ABCC1: variants seen among roughly 807,000 people sequenced by gnomAD.
ABCC1 encodes ATP binding cassette subfamily C member 1 (ABCC1 blood group).
A neutral mutation model predicts 172.9 loss-of-function variants in ABCC1; 83 were observed. The ratio of observed to expected loss-of-function variants is 0.48; its 90% CI spans 0.40 to 0.58. The LOEUF (loss-of-function observed/expected upper bound fraction) is 0.58, where lower values mean the gene tolerates loss of function less well. ABCC1 is among the 20% of genes least tolerant of loss of function. The pLI, the probability that ABCC1 is intolerant of heterozygous loss-of-function variation, is 0.00. For missense variants in ABCC1, 1,817 were observed against 2,002.7 expected (o/e 0.91, Z 1.77); for synonymous variants, 937 against 825.2 (o/e 1.14, Z -2.32).
chr16:16,052,660 A>G, intron 10 of ABCC1, 64 bp from the exon 11 acceptor site: 1 of 1,507,240 alleles, frequency 6.6e-7, no homozygotes, highest in Non-Finnish European at 9.2e-7. Flanking sequence ...CAACCGGGGA[A>G]GCTGTTACGG....
At chr16:16,133,472 C>T (rs548097066) in intron 27 of ABCC1, among the ~76,000 whole-genome samples, 67 of 152,152 alleles carry the variant, frequency 4.4e-4, no homozygotes, top group African/African-American at 1.6e-3. Context: ...GGTGCTATTT[C>T]GGCTCACTGC....
intron 5 of ABCC1, among the ~76,000 whole-genome samples, chr16:16,027,578 C>T (rs539725064): frequency 6.6e-6 from 1 of 152,056 alleles, no homozygotes; most frequent in Admixed American, 6.6e-5. Flanking sequence ...TTTGGGAGGC[C>T]GAGGCAGGTG....
At chr16:16,115,307 T>C (rs2044809527) in intron 23 of ABCC1, among the ~76,000 whole-genome samples, 1 of 152,192 alleles carries the variant, frequency 6.6e-6, no homozygotes, top group South Asian at 2.1e-4. Flanking sequence ...ACCTGTCAAT[T>C]CAAAAAGGAA....
At chr16:15,984,360 G>A (rs1433077868) in intron 1 of ABCC1, among the ~76,000 whole-genome samples, 1 of 151,812 alleles carries the variant, frequency 6.6e-6, no homozygotes, top group African/African-American at 2.4e-5. Context: ...TGCTGTATTT[G>A]TAAGAAATTC....
At chr16:16,116,556 C>T (rs78970369) in intron 23 of ABCC1, among the ~76,000 whole-genome samples, 4 of 151,814 alleles carry the variant, frequency 2.6e-5, no homozygotes, top group East Asian at 1.9e-4. Context: ...ACATTAGAGG[C>T]GTTATTTTTA....
intron 1 of ABCC1, among the ~76,000 whole-genome samples, chr16:15,963,116 A>G (rs1300319477): frequency 1.3e-5 from 2 of 152,270 alleles, no homozygotes; most frequent in African/African-American, 2.4e-5. Context: ...AAGGGGCTGC[A>G]GGCCCCATGC....
intron 12 of ABCC1, among the ~76,000 whole-genome samples, chr16:16,063,992 C>T (rs1464630043): frequency 1.3e-5 from 2 of 152,144 alleles, no homozygotes; most frequent in Non-Finnish European, 2.9e-5. Context: ...GGAGGAGGTT[C>T]ATCTGTGGCT....
chr16:15,997,093 C>CCT (rs1765029881), intron 1 of ABCC1, among the ~76,000 whole-genome samples: 1 of 137,152 alleles, frequency 7.3e-6, no homozygotes, highest in South Asian at 2.3e-4. Context: ...TGCGCTTTCT[C>CCT]TTTTTTTTTT....
At chr16:16,034,021 A>ATATTTTTTT (rs1567332583) in intron 6 of ABCC1, among the ~76,000 whole-genome samples, 1 of 48,996 alleles carries the variant, frequency 2.0e-5, no homozygotes, top group South Asian at 5.1e-4. Context: ...AATAAGCATC[A>ATATTTTTTT]TCTTTTTTTT....
rs540898817 is a variant in ABCC1 at position 15,981,911 on chromosome 16, A to G, written c.49-25905A>G. Reference sequence around the variant, plus strand: ...GAAATTTCTTCTGACAATCATCTAAATCATCTCTCTCAAGTTCTAAGTTCC... The same window carrying G: ...GAAATTTCTTCTGACAATCATCTAAGTCATCTCTCTCAAGTTCTAAGTTCC... On this transcript the variant is annotated intron_variant, in intron 1 of 30. Transcript: ENST00000399410. Among the ~76,000 whole-genome samples the G allele has an allele frequency of 7.2e-5, 11 of 152,270 alleles. No individual in the cohort carries two copies. In the South Asian group the frequency reaches 2.1e-3, roughly 29 times the overall value.
chr16:16,074,612 T>G (rs977546249), intron 14 of ABCC1, among the ~76,000 whole-genome samples: 1 of 152,164 alleles, frequency 6.6e-6, no homozygotes, highest in Admixed American at 6.5e-5. Context: ...CTGGAATGTT[T>G]AGCACGCTCT....
chr16:16,076,778 C>T (rs2050592661), intron 15 of ABCC1, among the ~76,000 whole-genome samples: 1 of 152,214 alleles, frequency 6.6e-6, no homozygotes, highest in African/African-American at 2.4e-5. Context: ...TTCTCCTGGT[C>T]TGCTTTATCC....
In ABCC1 at chr16:16,069,167, T is replaced by A. The variant is rs1466159538; in HGVS notation, c.1824+865T>A. 7.6e-3 allele frequency among the ~76,000 whole-genome samples: 926 copies of A among 121,192 alleles called. 12 individuals carry two copies. Among genetic ancestry groups the A allele is most frequent in the African/African-American group, 0.027 (794 of 29,880 alleles). The allele number at this position is 121,192 out of a possible 152,430, so 79.5% of individuals were successfully genotyped here. ...TAAAAAAAAATAAAATAAAATAAAA[T>A]AAAAATAAATAAATAAATAAATAAA... On this transcript the variant is annotated intron_variant, in intron 13 of 30. Transcript: ENST00000399410.
intron 1 of ABCC1, among the ~76,000 whole-genome samples, chr16:15,951,881 A>G (rs2045882645): frequency 6.6e-6 from 1 of 152,078 alleles, no homozygotes; most frequent in Non-Finnish European, 1.5e-5. Flanking sequence ...ATAGAGACAG[A>G]TTCGCACTAT....
intron 4 of ABCC1, among the ~76,000 whole-genome samples, chr16:16,016,149 G>GTTTTTTTT (rs71137903): frequency 2.4e-5 from 2 of 84,290 alleles, no homozygotes; most frequent in Non-Finnish European, 4.2e-5. Flanking sequence ...TGTGATCTTG[G>GTTTTTTTT]TTTTTTTTTT....
intron 12 of ABCC1, among the ~76,000 whole-genome samples, chr16:16,056,764 C>T (rs2049673458): frequency 6.6e-6 from 1 of 152,204 alleles, no homozygotes; most frequent in South Asian, 2.1e-4. Flanking sequence ...GTTTTATTCA[C>T]ACTTAGCAGC....
intron 12 of ABCC1, among the ~76,000 whole-genome samples, chr16:16,063,716 G>A (rs2050006169): frequency 6.6e-6 from 1 of 152,146 alleles, no homozygotes; most frequent in Non-Finnish European, 1.5e-5. Flanking sequence ...CAACGTCTCT[G>A]ACTCTCAGCT....
intron 15 of ABCC1, 54 bp downstream of exon 15, chr16:16,076,455 G>A (rs1254291976): frequency 2.7e-6 from 4 of 1,504,074 alleles, no homozygotes; most frequent in Non-Finnish European, 2.7e-6. Flanking sequence ...CAGGGCTTTT[G>A]TTAAACGTGG....
At chr16:16,122,327 G>A (rs780596448) in intron 24 of ABCC1, among the ~76,000 whole-genome samples, 153 bp downstream of exon 24, 1 of 152,188 alleles carries the variant, frequency 6.6e-6, no homozygotes, top group Non-Finnish European at 1.5e-5. Flanking sequence ...GCGGAGGACA[G>A]ATGAATCATT....
Sources: allele counts gnomAD v4.1 joint callset (sites outside exome capture counted in the v4.1 genomes callset), GRCh38; gene constraint gnomAD v4.1.1; transcripts MANE v1.5; gene names NCBI Gene and HGNC (gene_info 2026-07-23, HGNC 2026-07-21).